Variants in F13A1 observed in about 807,000 individuals in gnomAD.
F13A1 encodes the protein coagulation factor XIII A chain, also known as FSF, A subunit.
A neutral mutation model predicts 80.1 loss-of-function variants in F13A1; 47 were observed. The observed-to-expected ratio is 0.59, with a 90% CI of 0.46 to 0.75. The LOEUF is 0.75. Among genes scored for constraint, F13A1 ranks in the 30% least tolerant of loss-of-function variants. F13A1 has a pLI of 0.00. For synonymous variants in F13A1, 349 were observed against 344.9 expected, an observed-to-expected ratio of 1.01 and a Z score of -0.13; for missense variants, 817 against 930.4, an observed-to-expected ratio of 0.88 and a Z score of 1.59.
intron 14 of F13A1, among the ~76,000 whole-genome samples, chr6:6,149,338 A>G (rs934486770): frequency 6.6e-6 from 1 of 152,338 alleles, no homozygotes. Flanking sequence ...AAATATGTAG[A>G]ATTACAATGT....
intron 2 of F13A1, among the ~76,000 whole-genome samples, chr6:6,315,884 C>T (rs1326272893): frequency 6.6e-6 from 1 of 151,460 alleles, no homozygotes; most frequent in East Asian, 1.9e-4. Flanking sequence ...ATGAAGATGG[C>T]ATTTTAAAAA....
chr6:6,268,555 C>T (rs1757876215), intron 3 of F13A1, among the ~76,000 whole-genome samples: 1 of 152,158 alleles, frequency 6.6e-6, no homozygotes, highest in South Asian at 2.1e-4. Context: ...TCAGGCAAAT[C>T]ACTTACTTGT....
At chr6:6,183,281 C>T (rs1421847320) in intron 10 of F13A1, among the ~76,000 whole-genome samples, 1 of 152,162 alleles carries the variant, frequency 6.6e-6, no homozygotes, top group Non-Finnish European at 1.5e-5. Flanking sequence ...GGACGATTGG[C>T]AGAATTAACA....
At chr6:6,175,214 C>T (rs1018483299) in intron 11 of F13A1, among the ~76,000 whole-genome samples, 39 of 152,150 alleles carry the variant, frequency 2.6e-4, no homozygotes, top group African/African-American at 9.2e-4. Context: ...TTCTTAGTCC[C>T]AGCCATGTGG....
At chr6:6,257,378 G>A (rs898935427) in intron 4 of F13A1, among the ~76,000 whole-genome samples, 22 of 151,984 alleles carry the variant, frequency 1.4e-4, no homozygotes, top group Admixed American at 5.3e-4. Flanking sequence ...GGATCCAAAC[G>A]CACTGCCTTC....
intron 11 of F13A1, among the ~76,000 whole-genome samples, chr6:6,180,305 T>C (rs1256436571): frequency 6.6e-6 from 1 of 152,252 alleles, no homozygotes; most frequent in Non-Finnish European, 1.5e-5. Context: ...AGCCTTTCTC[T>C]GTGCCCGGCA....
At position 6,230,460 on chromosome 6, in the gene F13A1, C is replaced by G. The variant is rs1300807948; in HGVS notation, c.799-5600G>C. Among the ~76,000 whole-genome samples the G allele has an allele frequency of 3.9e-5, 6 of 152,202 alleles. No individual in the cohort carries two copies. In the South Asian group the frequency reaches 6.2e-4, roughly 16 times the overall value. ...AAGACCTGCCCAAGGAGAGTCTGAC[C>G]TCAGACACGCCTAGCCCAGCCCCCA... On this transcript the variant is annotated intron_variant, in intron 6 of 14. Transcript: ENST00000264870.
chr6:6,192,536 A>G (rs985681957), intron 10 of F13A1, among the ~76,000 whole-genome samples: 4 of 152,374 alleles, frequency 2.6e-5, no homozygotes, highest in Admixed American at 2.6e-4. Context: ...TGCTATTTGA[A>G]TAAATGACTG....
At chr6:6,227,109 C>G (rs1757287433) in intron 6 of F13A1, among the ~76,000 whole-genome samples, 1 of 152,180 alleles carries the variant, frequency 6.6e-6, no homozygotes, top group Non-Finnish European at 1.5e-5. Context: ...AAAAAAAATA[C>G]TAGAAGAAAA....
chr6:6,310,461 A>G (rs1758574143), intron 2 of F13A1, among the ~76,000 whole-genome samples: 1 of 152,198 alleles, frequency 6.6e-6, no homozygotes, highest in African/African-American at 2.4e-5. Flanking sequence ...TGAAGTACCT[A>G]TCTTATAGAG....
chr6:6,317,846 G>C (rs942116332), intron 2 of F13A1, among the ~76,000 whole-genome samples: 1 of 152,200 alleles, frequency 6.6e-6, no homozygotes, highest in East Asian at 1.9e-4. Flanking sequence ...CCCTGCCATG[G>C]CCCAGGGGAA....
chr6:6,242,064 TTCTAAA>T (rs71853593), intron 6 of F13A1, among the ~76,000 whole-genome samples: 1,869 of 152,298 alleles, frequency 0.012, 43 homozygotes, highest in African/African-American at 0.043. Context: ...AAAAAAATCT[TTCTAAA>T]TACTGGGACA....
At chr6:6,206,568 T>G (rs1470968972) in intron 8 of F13A1, 1 of 505,594 alleles carries the variant, frequency 2.0e-6, no homozygotes. Flanking sequence ...CAGGCGCTCT[T>G]TGGAGACATT....
chr6:6,290,528 G>A (rs994047311), intron 3 of F13A1, among the ~76,000 whole-genome samples: 3 of 152,134 alleles, frequency 2.0e-5, no homozygotes, highest in Non-Finnish European at 4.4e-5. Context: ...TTTTGACTAC[G>A]TGTCTACTCA....
intron 8 of F13A1, among the ~76,000 whole-genome samples, chr6:6,212,331 T>G (rs1287129332): frequency 6.6e-6 from 1 of 152,224 alleles, no homozygotes; most frequent in Admixed American, 6.5e-5. Flanking sequence ...GCTGGAGATC[T>G]GAGAAGGGGC....
intron 8 of F13A1, among the ~76,000 whole-genome samples, chr6:6,201,578 C>T (rs1238176418): frequency 6.6e-6 from 1 of 152,190 alleles, no homozygotes. Flanking sequence ...GTGTCCTAAG[C>T]CACCCGTGCC....
chr6:6,170,361 T>C (rs184697909), intron 12 of F13A1, among the ~76,000 whole-genome samples: 433 of 151,804 alleles, frequency 2.9e-3, no homozygotes, highest in Non-Finnish European at 5.2e-3. Context: ...CCCTAAATCA[T>C]AGCACTAAAG....
intron 13 of F13A1, among the ~76,000 whole-genome samples, chr6:6,165,534 T>A (rs1401918017): frequency 6.6e-6 from 1 of 152,138 alleles, no homozygotes; most frequent in Admixed American, 6.5e-5. Flanking sequence ...CATAATTAGG[T>A]ACGCACACAG....
At chr6:6,276,401 G>A (rs1367424122) in intron 3 of F13A1, among the ~76,000 whole-genome samples, 1 of 152,150 alleles carries the variant, frequency 6.6e-6, no homozygotes, top group Non-Finnish European at 1.5e-5. Flanking sequence ...CTGGTGTGGT[G>A]GCAGTTTTCT....
Sources: gnomAD v4.1 joint callset for allele counts (sites outside exome capture counted in the v4.1 genomes callset) on GRCh38, gnomAD v4.1.1 for gene constraint, MANE v1.5 for transcripts, NCBI Gene and HGNC (gene_info 2026-07-23, HGNC 2026-07-21) for gene names.